ADH6: variants seen among roughly 807,000 people sequenced by gnomAD.
ADH6 encodes the protein alcohol dehydrogenase 6 (class V), also known as alcohol dehydrogenase 6.
A neutral mutation model predicts 36.5 loss-of-function variants in ADH6; 34 were observed. The ratio of observed to expected loss-of-function variants is 0.93; its 90% confidence interval spans 0.71 to 1.24. ADH6 has a LOEUF of 1.24. Ranked by LOEUF, ADH6 falls within the 50% of genes most tolerant of loss-of-function variation. The pLI, the probability that ADH6 is intolerant of heterozygous loss-of-function variation, is 0.00. For synonymous variants in ADH6, 161 were observed against 155.5 expected (o/e 1.04, Z -0.26); for missense variants, 440 against 447.0 (o/e 0.98, Z 0.14).
At chr4:99,206,579 T>G (rs901727296) in intron 7 of ADH6, among the ~76,000 whole-genome samples, 1 of 151,960 alleles carries the variant, frequency 6.6e-6, no homozygotes, top group African/African-American at 2.4e-5. Context: ...CTTTTTTTTT[T>G]TTGCTGGTCC....
Position 99,203,216 on chromosome 4 carries a change from A to G in ADH6, c.*1003T>C, listed in dbSNP as rs116429331. ...TCCAGCTGGAGCAGAAGAGTCTGCA[A>G]CTAGGAAGGGAACTCTTGTGTGTAT... On this transcript the variant is annotated 3_prime_UTR_variant, in exon 9 of 9. Coordinates refer to ENST00000394899, the MANE Select transcript of ADH6 (RefSeq NM_001102470.2). The G allele has an allele frequency of 4.5e-3, 707 of 156,936 alleles. 6 individuals carry two copies. Among genetic ancestry groups the G allele is most frequent in the African/African-American group, 0.016 (660 of 41,746 alleles). 9.7% of individuals were successfully genotyped at this position (156,936 alleles called of 1,614,324 possible). A position where few individuals can be genotyped will look rare whatever the true frequency, so the allele number is the denominator to read the frequency against.
rs1730928360 is a variant in ADH6 at position 99,203,666 on chromosome 4, A to G, written c.*553T>C. On this transcript the variant is annotated 3_prime_UTR_variant, in exon 9 of 9. Coordinates refer to ENST00000394899, the MANE Select transcript of ADH6 (RefSeq NM_001102470.2). Reference sequence around the variant, plus strand: ...GGGTACTATGAACTGCTGATAGTCAAATCATCCTGACTAATTGAAGAATAA... The same window carrying G: ...GGGTACTATGAACTGCTGATAGTCAGATCATCCTGACTAATTGAAGAATAA... 6.6e-6 allele frequency: 1 copy of G among 152,072 alleles called. No individual in the cohort carries two copies. The highest frequency in any genetic ancestry group is 1.5e-5 in the Non-Finnish European group (1 of 68,052). The allele number at this position is 152,072 out of a possible 1,614,324, so 9.4% of individuals were successfully genotyped here.
intron 6 of ADH6, 37 bp downstream of exon 6, chr4:99,208,631 A>G (rs1374718852): frequency 6.3e-7 from 1 of 1,575,934 alleles, no homozygotes; most frequent in South Asian, 1.2e-5. Context: ...ATGACTGGTA[A>G]AAGTATTGGT....
rs1560802772 is a variant in ADH6, at chr4:99,204,193, T to C, written c.*26A>G. On this transcript the variant is annotated 3_prime_UTR_variant, in exon 9 of 9. Transcript: ENST00000394899. Reference sequence around the variant, plus strand: ...GCCATTGAGTTGGTGAAATATCCTTTGGGTCTTGCATGTATTACATTGTAC... The same window carrying C: ...GCCATTGAGTTGGTGAAATATCCTTCGGGTCTTGCATGTATTACATTGTAC... The C allele has an allele frequency of 6.3e-7, 1 of 1,592,118 alleles. No homozygotes were observed. The highest frequency in any genetic ancestry group is 1.1e-5 in the South Asian group (1 of 87,774).
rs1019472890 is a variant in ADH6 at position 99,219,167 on chromosome 4, C to T, written c.-15G>A. The T allele has an allele frequency of 1.2e-6, 2 of 1,609,780 alleles. No homozygotes were observed. Among genetic ancestry groups the T allele is most frequent in the African/African-American group, 2.7e-5 (2 of 74,814 alleles). Reference sequence around the variant, plus strand: ...GTAGTACTCATGCTGATTTTCTCCACCGCAGATGAATTTATTGAGAAAGGG... The same window carrying T: ...GTAGTACTCATGCTGATTTTCTCCATCGCAGATGAATTTATTGAGAAAGGG... On this transcript the variant is annotated 5_prime_UTR_variant, in exon 1 of 9. In the 5' UTR this introduces an upstream ATG that the reference lacks. Transcript: ENST00000394899.
chr4:99,207,618 A>C (rs569486206), intron 6 of ADH6, 37 bp from the exon 7 acceptor site: 7 of 1,595,196 alleles, frequency 4.4e-6, no homozygotes, highest in Non-Finnish European at 5.1e-6. Flanking sequence ...TAGGGGTTAA[A>C]AGATGTATGT....
At position 99,213,633 on chromosome 4, in the gene ADH6, C is replaced by T. The variant is rs1385256008; in HGVS notation, c.235G>A (p.Gly79Arg). The T allele has an allele frequency of 1.9e-6, 3 of 1,613,070 alleles. No homozygotes were observed. The African/African-American group carries it at 4.0e-5, about 22-fold the overall frequency. Residue 79 changes from glycine (G) to arginine (R), a missense_variant, in exon 3 of 9, where the codon GGA becomes AGA. By Grantham distance (125) the Gly-to-Arg change is moderately radical (BLOSUM62 -2). Coordinates refer to ENST00000394899, the MANE Select transcript of ADH6 (RefSeq NM_001102470.2). ...HEGAGIVESI[G>R]EGVSTVKPGD... The stretch of plus-strand genomic sequence containing the variant: ...GGTTTCACTGTGCTTACTCCTTCTC[C>T]AATACTCTCAACGATTCCAGCCCCT...
chr4:99,204,618 C>A, intron 8 of ADH6: 1 of 1,169,146 alleles, frequency 8.6e-7, no homozygotes, highest in Non-Finnish European at 1.1e-6. Flanking sequence ...TAAACTTGAG[C>A]TACAATTTTA....
intron 3 of ADH6, among the ~76,000 whole-genome samples, chr4:99,212,694 T>C (rs1178180545): frequency 1.3e-5 from 2 of 151,994 alleles, no homozygotes; most frequent in Non-Finnish European, 2.9e-5. Flanking sequence ...GGGCATATTT[T>C]AATGTGTTTA....
chr4:99,208,953 CAG>C (rs1249828993), intron 5 of ADH6, 25 bp from the exon 6 acceptor site: 25 of 1,588,368 alleles, frequency 1.6e-5, no homozygotes, highest in Non-Finnish European at 2.1e-5. Context: ...GCAGAAAACT[CAG>C]AAAACAAAAA....
chr4:99,207,451 A>T lies in ADH6; in HGVS notation c.959T>A (p.Phe320Tyr). Reference sequence around the variant, plus strand: ...TTTCCCTGCTTCATCCATACCTCCAAAAACAGAACCCTTCAAAGAACGTCC... The same window carrying T: ...TTTCCCTGCTTCATCCATACCTCCATAAACAGAACCCTTCAAAGAACGTCC... ...FSGRSLKGSV[F>Y]GGWKSRQHIP... The change falls in exon 7 of 9, where the codon TTT (phenylalanine) becomes TAT (tyrosine). Residue 320 changes from phenylalanine (F) to tyrosine (Y), a missense_variant. By Grantham distance (22) the Phe-to-Tyr change is conservative. Transcript: ENST00000394899. 6.2e-7 allele frequency: 1 copy of T among 1,613,208 alleles called. No homozygotes were observed. Among genetic ancestry groups the T allele is most frequent in the Non-Finnish European group, 8.5e-7 (1 of 1,179,402 alleles).
Position 99,207,549 on chromosome 4 carries a change from A to C in ADH6, c.861T>G (p.Tyr287Ter). The change falls in exon 7 of 9, where the codon TAT (tyrosine) becomes TAG (stop). Residue 287 changes from tyrosine (Y) to a stop codon, truncating the protein, a stop_gained. Transcript: ENST00000394899. LOFTEE classifies it high-confidence loss of function. ...ACACCCCAACAACCACACAGACCCC[A>C]TAGCTCTCATTGCAGGAGGCGAGGG... The part of the protein sequence containing the change: ...AAALASCNES[Y>*]GVCVVVGVLP... 6.2e-7 allele frequency: 1 copy of C among 1,613,410 alleles called. No homozygotes were observed. Among genetic ancestry groups the C allele is most frequent in the Non-Finnish European group, 8.5e-7 (1 of 1,179,616 alleles).
chr4:99,208,689 G>T lies in ADH6; in HGVS notation c.807C>A (p.Ala269=). 6 of 1,613,052 alleles carry T rather than the reference G, an allele frequency of 3.7e-6. No homozygotes were observed. Among genetic ancestry groups the T allele is most frequent in the Non-Finnish European group, 5.1e-6 (6 of 1,179,516 alleles). ...ATACCAGAACGTCCAGATTTCCAAT[G>T]GCCTCAAAGCAGAAGTCTATACCAG... is the stretch of plus-strand genomic sequence containing the variant. The part of the protein sequence containing the change: ...TDAGIDFCFE[A]IGNLDVLAAA... The change falls in exon 6 of 9, where the codon GCC becomes GCA. Residue 269 remains alanine (A), a synonymous_variant. Coordinates refer to ENST00000394899, the MANE Select transcript of ADH6 (RefSeq NM_001102470.2).
At position 99,203,948 on chromosome 4, in the gene ADH6, T is replaced by C. The variant is rs1730935169; in HGVS notation, c.*271A>G. On this transcript the variant is annotated 3_prime_UTR_variant, in exon 9 of 9. Coordinates refer to ENST00000394899, the MANE Select transcript of ADH6 (RefSeq NM_001102470.2). ...AATGGGAGCATCTTGCATTGACCTTTTATGTCTGAAGGATGTGGAGTTGAG... is the reference window on the plus strand; with the variant it reads ...AATGGGAGCATCTTGCATTGACCTTCTATGTCTGAAGGATGTGGAGTTGAG... 2.4e-6 allele frequency: 1 copy of C among 419,652 alleles called. No individual in the cohort carries two copies. The highest frequency in any genetic ancestry group is 4.2e-6 in the Non-Finnish European group (1 of 238,018). 26.0% of individuals were successfully genotyped at this position (419,652 alleles called of 1,614,324 possible).
chr4:99,217,242 T>A (rs1234818037), intron 1 of ADH6, among the ~76,000 whole-genome samples: 1 of 152,150 alleles, frequency 6.6e-6, no homozygotes, highest in Non-Finnish European at 1.5e-5. Flanking sequence ...TTCACTGTGT[T>A]AGCCAGGATG....
chr4:99,219,059 A>T, intron 1 of ADH6, 76 bp downstream of exon 1: 1 of 1,422,082 alleles, frequency 7.0e-7, no homozygotes, highest in Non-Finnish European at 9.9e-7. Context: ...TAGCTGGGTG[A>T]TGAGATGTTG....
intron 1 of ADH6, among the ~76,000 whole-genome samples, chr4:99,216,807 T>C (rs1055638562): frequency 2.0e-5 from 3 of 151,268 alleles, no homozygotes; most frequent in African/African-American, 7.3e-5. Context: ...ATCATGCCAC[T>C]GTACTCCAGT....
chr4:99,208,834 A>C lies in ADH6; in HGVS notation c.662T>G (p.Ile221Ser). 1 of 1,613,752 alleles carries C rather than the reference A, an allele frequency of 6.2e-7. No homozygotes were observed. Among genetic ancestry groups the C allele is most frequent in the East Asian group, 2.2e-5 (1 of 44,862 alleles). Reference sequence around the variant, plus strand: ...TTTCTCCTTGTTGACATCCACTCCAATGATCCTGGCTGCTCCTGCTGCTTT... The same window carrying C: ...TTTCTCCTTGTTGACATCCACTCCACTGATCCTGGCTGCTCCTGCTGCTTT... ...GCKAAGAARI[I>S]GVDVNKEKFK... The change falls in exon 6 of 9, where the codon ATT becomes AGT. Residue 221 changes from isoleucine to serine, a missense_variant. Ile to Ser is a moderately radical substitution (Grantham distance 142). Coordinates refer to ENST00000394899, the MANE Select transcript of ADH6 (RefSeq NM_001102470.2).
intron 1 of ADH6, among the ~76,000 whole-genome samples, chr4:99,217,319 A>G (rs1014711312): frequency 2.6e-5 from 4 of 152,110 alleles, no homozygotes; most frequent in South Asian, 2.1e-4. Context: ...TACAGGCGTG[A>G]GCCACCACGC....
Sources: gnomAD v4.1 joint callset for allele counts (sites outside exome capture counted in the v4.1 genomes callset) on GRCh38, gnomAD v4.1.1 for gene constraint, MANE v1.5 for transcripts, NCBI Gene and HGNC (gene_info 2026-07-23, HGNC 2026-07-21) for gene names.